The following PCDH15 variants were observed in gnomAD, a reference collection of about 807,000 sequenced individuals.
PCDH15 encodes protocadherin related 15.
In PCDH15, 129 loss-of-function variants were observed where a neutral mutation model predicts 178.5. The observed-to-expected ratio is 0.72, with a 90% CI of 0.63 to 0.84. The LOEUF (loss-of-function observed/expected upper bound fraction) is 0.84, where lower values mean the gene tolerates loss of function less well. PCDH15 is among the 40% of genes least tolerant of loss of function. PCDH15 has a pLI of 0.00. For synonymous variants in PCDH15, 800 were observed against 732.0 expected, an observed-to-expected ratio of 1.09 and a Z score of -1.50; for missense variants, 2,230 against 2,099.9, an observed-to-expected ratio of 1.06 and a Z score of -1.21.
rs147589913 is a variant in PCDH15, at chr10:54,158,305, G to A, written c.1591-5012C>T. On this transcript the variant is annotated intron_variant, in intron 13 of 37. Transcript: ENST00000644397. ...GGAGGTCTCACAATCATGGCAGAAG[G>A]TGGTAGCAGATAAGAGAGGAGAGCT... Among the ~76,000 whole-genome samples, 741 of 152,330 alleles carry A rather than the reference G, an allele frequency of 4.9e-3. 8 individuals are homozygous for A. The highest frequency in any genetic ancestry group is 0.015 in the African/African-American group (629 of 41,582).
intron 1 of PCDH15, among the ~76,000 whole-genome samples, chr10:54,686,769 C>A (rs1305449256): frequency 6.6e-6 from 1 of 152,036 alleles, no homozygotes; most frequent in African/African-American, 2.4e-5. Context: ...GTCTGTTGTA[C>A]AAGTGGTACT....
At chr10:54,208,889 C>G (rs2051103504) in intron 10 of PCDH15, among the ~76,000 whole-genome samples, 1 of 151,900 alleles carries the variant, frequency 6.6e-6, no homozygotes, top group Admixed American at 6.6e-5. Flanking sequence ...GATGTTTTTT[C>G]TCTTGTCCTA....
At chr10:54,336,448 T>C (rs1592178) in intron 6 of PCDH15, among the ~76,000 whole-genome samples, 38,992 of 152,050 alleles carry the variant, frequency 0.26, 5,550 homozygotes, top group African/African-American at 0.39. Flanking sequence ...TGGACCCCCC[T>C]TTCCGTGTGC....
Position 53,840,401 on chromosome 10 carries a change from T to C in PCDH15, c.3902A>G (p.Glu1301Gly). ...ARRHGDAFSL[E>G]DYTKCDLTVY... ...AGTCAAGTCACATTTGGTGTAATCTTCTAGGGAAAAGGCATCTCCATGCCG... is the reference window on the plus strand; with the variant it reads ...AGTCAAGTCACATTTGGTGTAATCTCCTAGGGAAAAGGCATCTCCATGCCG... The change falls in exon 29 of 38, where the codon GAA (glutamate) becomes GGA (glycine). Residue 1301 changes from glutamate (E) to glycine (G), a missense_variant. Physicochemically the swap from Glu to Gly is moderately conservative, Grantham distance 98 (BLOSUM62 -2). Transcript: ENST00000644397. 1 of 1,614,094 alleles carries C rather than the reference T, an allele frequency of 6.2e-7. No homozygotes were observed. The highest frequency in any genetic ancestry group is 8.5e-7 in the Non-Finnish European group (1 of 1,179,984).
At chr10:54,741,302 C>T (rs552427028) in intron 1 of PCDH15, among the ~76,000 whole-genome samples, 3 of 151,372 alleles carry the variant, frequency 2.0e-5, no homozygotes, top group Non-Finnish European at 4.4e-5. Flanking sequence ...GCCATGCATA[C>T]ATATTTAGTA....
intron 2 of PCDH15, among the ~76,000 whole-genome samples, chr10:55,434,072 C>CTTT (rs1316162910): frequency 3.6e-4 from 30 of 83,970 alleles, no homozygotes; most frequent in African/African-American, 6.5e-4. Context: ...TTTTTCTTTT[C>CTTT]TTTTCTTTTT....
chr10:55,072,544 C>G (rs1245676011), intron 2 of PCDH15, among the ~76,000 whole-genome samples: 1 of 152,020 alleles, frequency 6.6e-6, no homozygotes, highest in Non-Finnish European at 1.5e-5. Flanking sequence ...CAAGACTAAA[C>G]CAGGAAGAAG....
At chr10:55,139,611 T>C (rs888959800) in intron 2 of PCDH15, among the ~76,000 whole-genome samples, 1 of 152,062 alleles carries the variant, frequency 6.6e-6, no homozygotes, top group African/African-American at 2.4e-5. Flanking sequence ...ATTTATGTTG[T>C]TCTATTTTTA....
intron 3 of PCDH15, among the ~76,000 whole-genome samples, chr10:54,412,468 G>A (rs966242933): frequency 2.0e-5 from 3 of 151,992 alleles, no homozygotes; most frequent in Admixed American, 6.6e-5. Context: ...TTTCAAGTTG[G>A]GGAATTTGGA....
intron 26 of PCDH15, among the ~76,000 whole-genome samples, chr10:53,882,673 T>C (rs1166024581): frequency 2.0e-5 from 3 of 152,328 alleles, no homozygotes; most frequent in East Asian, 3.9e-4. Flanking sequence ...CCAACTGCTA[T>C]TTTTTAAAAA....
intron 3 of PCDH15, among the ~76,000 whole-genome samples, chr10:54,395,576 T>C (rs1951103315): frequency 6.6e-6 from 1 of 151,974 alleles, no homozygotes; most frequent in African/African-American, 2.4e-5. Context: ...AAAATGGATT[T>C]TGTTATGCAT....
At chr10:54,585,392 A>G (rs1267400138) in intron 2 of PCDH15, 1 of 152,796 alleles carries the variant, frequency 6.5e-6, no homozygotes, top group Non-Finnish European at 1.5e-5. Flanking sequence ...TAAGGTTTTC[A>G]ACAAAGTTCT....
intron 2 of PCDH15, among the ~76,000 whole-genome samples, chr10:55,566,564 G>A (rs2132104939): frequency 6.6e-6 from 1 of 151,662 alleles, no homozygotes; most frequent in East Asian, 1.9e-4. Context: ...TATAGAAAAC[G>A]CTGAAAATTC....
At chr10:54,103,226 T>C (rs1025000595) in intron 15 of PCDH15, among the ~76,000 whole-genome samples, 12 of 152,294 alleles carry the variant, frequency 7.9e-5, no homozygotes, top group Middle Eastern at 3.4e-3. Flanking sequence ...TTAAATTAAG[T>C]AGGAATGCAG....
At chr10:54,798,344 A>G (rs1454061605) in intron 1 of PCDH15, among the ~76,000 whole-genome samples, 14 of 152,052 alleles carry the variant, frequency 9.2e-5, no homozygotes, top group Admixed American at 2.0e-4. Context: ...CTCTCATGCT[A>G]TAGTGTTAAC....
intron 18 of PCDH15, among the ~76,000 whole-genome samples, chr10:54,043,051 A>G (rs2093582675): frequency 6.6e-6 from 1 of 152,146 alleles, no homozygotes; most frequent in Non-Finnish European, 1.5e-5. Flanking sequence ...AGGAGTTCAG[A>G]GTAAGTCATG....
chr10:55,071,952 A>G (rs1841757940), intron 2 of PCDH15, among the ~76,000 whole-genome samples: 1 of 152,196 alleles, frequency 6.6e-6, no homozygotes, highest in South Asian at 2.1e-4. Context: ...CTGACTTAAA[A>G]CCGCTCAACT....
At chr10:55,187,632 T>C (rs1839833196) in intron 1 of PCDH15, among the ~76,000 whole-genome samples, 2 of 152,116 alleles carry the variant, frequency 1.3e-5, no homozygotes, top group South Asian at 4.1e-4. Flanking sequence ...GATTTATGAT[T>C]CAGCAAATTA....
chr10:54,674,425 T>C (rs1053747043), intron 1 of PCDH15, among the ~76,000 whole-genome samples: 1 of 152,156 alleles, frequency 6.6e-6, no homozygotes, highest in African/African-American at 2.4e-5. Context: ...ATGAAATGTA[T>C]AGTCTAGAAC....
Sources: gnomAD v4.1 joint callset for allele counts (sites outside exome capture counted in the v4.1 genomes callset) on GRCh38, gnomAD v4.1.1 for gene constraint, MANE v1.5 for transcripts, NCBI Gene and HGNC (gene_info 2026-07-23, HGNC 2026-07-21) for gene names.